Variants in EYS observed in about 807,000 individuals in gnomAD.
EYS encodes the protein protein eyes shut homolog.
A neutral mutation model predicts 282.1 loss-of-function variants in EYS; 250 were observed. The ratio of observed to expected loss-of-function variants is 0.89; its 90% CI spans 0.80 to 0.98. The LOEUF is 0.98. Ranked by LOEUF, EYS falls within the 50% of genes least tolerant of loss-of-function variation. EYS has a pLI of 0.00. For missense variants in EYS, 4,016 were observed against 3,709.0 expected (o/e 1.08, Z -2.15); for synonymous variants, 1,355 against 1,282.9 (o/e 1.06, Z -1.20).
At chr6:64,823,895 G>A (rs1217106883) in intron 19 of EYS, among the ~76,000 whole-genome samples, 1 of 151,922 alleles carries the variant, frequency 6.6e-6, no homozygotes, top group Admixed American at 6.6e-5. Context: ...CATGGTTCTT[G>A]TAGCCAATAC....
At chr6:65,115,583 A>G (rs1440183063) in intron 12 of EYS, among the ~76,000 whole-genome samples, 1 of 152,124 alleles carries the variant, frequency 6.6e-6, no homozygotes, top group Non-Finnish European at 1.5e-5. Flanking sequence ...TTCATTAGGT[A>G]CATTCATAGC....
Position 64,829,926 on chromosome 6 carries a change from C to T in EYS, c.2993-7104G>A, listed in dbSNP as rs545321420. Among the ~76,000 whole-genome samples, 3 of 152,024 alleles carry T rather than the reference C, an allele frequency of 2.0e-5. No homozygotes were observed. In the East Asian group the frequency reaches 5.9e-4, roughly 30 times the overall value. On this transcript the variant is annotated intron_variant, in intron 19 of 42. Transcript: ENST00000503581. ...GGGACCCTTGCGCTAGAGAATACCA[C>T]TAGAATCCCTTTTTGAAATGTATGG...
intron 2 of EYS, among the ~76,000 whole-genome samples, chr6:65,570,897 A>T (rs1764453880): frequency 1.3e-5 from 2 of 152,088 alleles, no homozygotes; most frequent in Non-Finnish European, 1.5e-5. Flanking sequence ...TGTATTTTTT[A>T]CTTGCTCCTT....
chr6:65,127,781 A>G (rs1037400203), intron 12 of EYS, among the ~76,000 whole-genome samples: 1 of 152,050 alleles, frequency 6.6e-6, no homozygotes, highest in Non-Finnish European at 1.5e-5. Context: ...TCATCTCCCA[A>G]ATGAAGAGCC....
At chr6:64,118,072 G>A (rs538421304) in intron 31 of EYS, among the ~76,000 whole-genome samples, 76 of 152,142 alleles carry the variant, frequency 5.0e-4, no homozygotes, top group African/African-American at 1.8e-3. Flanking sequence ...GCTATTCCAT[G>A]TTCATGGATT....
chr6:64,114,700 C>T (rs1773316910), intron 31 of EYS, among the ~76,000 whole-genome samples: 1 of 152,140 alleles, frequency 6.6e-6, no homozygotes, highest in Non-Finnish European at 1.5e-5. Flanking sequence ...CTGTCAACAG[C>T]CACCATAGTA....
At position 64,388,791 on chromosome 6, in the gene EYS, T is replaced by C. The variant is rs115066356; in HGVS notation, c.5977A>G (p.Thr1993Ala). The C allele has an allele frequency of 4.5e-3, 6,971 of 1,543,856 alleles. 240 individuals carry two copies. In the African/African-American group the frequency reaches 0.085, roughly 19 times the overall value. The change falls in exon 29 of 43, where the codon ACA (threonine) becomes GCA (alanine). Residue 1993 changes from threonine to alanine, a missense_variant. Coordinates refer to ENST00000503581, the MANE Select transcript of EYS (RefSeq NM_001142800.2). ...TGATTGATAGATTCGCATATTTGTG[T>C]ATTCCTCCCTAAAATAGTCAGCTCA... ...NAELTILGRN[T>A]QICESINHVL...
intron 30 of EYS, among the ~76,000 whole-genome samples, chr6:64,274,011 C>T (rs537696975): frequency 5.8e-4 from 88 of 152,312 alleles, no homozygotes; most frequent in African/African-American, 2.0e-3. Context: ...ACTTATCCCT[C>T]CGGATCACGT....
At chr6:64,534,732 AAAC>A (rs1485876949) in intron 26 of EYS, among the ~76,000 whole-genome samples, 2 of 152,118 alleles carry the variant, frequency 1.3e-5, no homozygotes, top group East Asian at 1.9e-4. Flanking sequence ...CCTAATTCTG[AAAC>A]AACAACATTT....
intron 19 of EYS, among the ~76,000 whole-genome samples, chr6:64,877,025 A>G (rs980177323): frequency 6.5e-4 from 99 of 152,270 alleles, no homozygotes; most frequent in African/African-American, 2.2e-3. Flanking sequence ...GAAGATGGAG[A>G]CAAATTAAGA....
intron 2 of EYS, among the ~76,000 whole-genome samples, chr6:65,632,388 C>T (rs368814194): frequency 2.0e-5 from 3 of 152,244 alleles, no homozygotes; most frequent in East Asian, 3.9e-4. Context: ...TAAAATTTTT[C>T]TGAGCCTGGA....
At chr6:64,671,258 C>A (rs940119935) in intron 22 of EYS, among the ~76,000 whole-genome samples, 1 of 152,000 alleles carries the variant, frequency 6.6e-6, no homozygotes, top group Non-Finnish European at 1.5e-5. Flanking sequence ...GAAGGTGGAG[C>A]CTTTGGGAGA....
At chr6:64,981,041 T>C (rs981323278) in intron 14 of EYS, among the ~76,000 whole-genome samples, 3 of 151,398 alleles carry the variant, frequency 2.0e-5, no homozygotes, top group African/African-American at 7.3e-5. Flanking sequence ...AGAAAAGGTT[T>C]GATCAATAAA....
chr6:64,099,121 T>C (rs1772737028), intron 31 of EYS, among the ~76,000 whole-genome samples: 1 of 152,196 alleles, frequency 6.6e-6, no homozygotes, highest in Non-Finnish European at 1.5e-5. Flanking sequence ...CAACTGTCAC[T>C]AAAATTATCA....
At chr6:65,181,277 A>C (rs1765375787) in intron 12 of EYS, among the ~76,000 whole-genome samples, 1 of 152,140 alleles carries the variant, frequency 6.6e-6, no homozygotes, top group Non-Finnish European at 1.5e-5. Context: ...GGCAACCTAC[A>C]GAGTGGGAGA....
chr6:64,192,239 A>C (rs577713846), intron 31 of EYS, among the ~76,000 whole-genome samples: 1 of 151,596 alleles, frequency 6.6e-6, no homozygotes, highest in South Asian at 2.1e-4. Flanking sequence ...GCCCTTTGTC[A>C]GATGAGTAGG....
intron 4 of EYS, among the ~76,000 whole-genome samples, chr6:65,492,285 C>T (rs1264732812): frequency 6.7e-6 from 1 of 149,532 alleles, no homozygotes; most frequent in African/African-American, 2.5e-5. Context: ...TTTAAAGCAC[C>T]TATGGCTGTA....
At chr6:65,109,273 T>C (rs1775135836) in intron 12 of EYS, among the ~76,000 whole-genome samples, 1 of 152,114 alleles carries the variant, frequency 6.6e-6, no homozygotes, top group African/African-American at 2.4e-5. Flanking sequence ...GAACCTATGC[T>C]ATGTGTTCTT....
At chr6:64,281,558 A>G (rs1240477135) in intron 30 of EYS, among the ~76,000 whole-genome samples, 1 of 152,128 alleles carries the variant, frequency 6.6e-6, no homozygotes, top group Non-Finnish European at 1.5e-5. Context: ...GTTTAGCTCA[A>G]TTATCCCTCA....
Sources: gnomAD v4.1 joint callset for allele counts (sites outside exome capture counted in the v4.1 genomes callset) on GRCh38, gnomAD v4.1.1 for gene constraint, MANE v1.5 for transcripts, NCBI Gene and HGNC (gene_info 2026-07-23, HGNC 2026-07-21) for gene names.